Variants in DPP6 observed in about 807,000 individuals in gnomAD.
The protein encoded by DPP6 is dipeptidyl peptidase like 6.
Under a neutral mutation model 122.6 loss-of-function variants are expected in DPP6, and 69 were observed. The observed-to-expected ratio is 0.56, with a 90% CI of 0.46 to 0.69. DPP6 has a LOEUF of 0.69. DPP6 is among the 30% of genes least tolerant of loss of function. The probability of loss-of-function intolerance (pLI) is 0.00; values close to 1 mark genes in which losing one functional copy is unlikely to be tolerated. For missense variants in DPP6, 928 were observed against 1,116.9 expected (o/e 0.83, Z 2.41); for synonymous variants, 418 against 433.1 (o/e 0.97, Z 0.43).
chr7:153,929,491 A>G lies in DPP6; in HGVS notation c.51+41757A>G, dbSNP rs61382377. 6.6e-3 allele frequency among the ~76,000 whole-genome samples: 1,005 copies of G among 152,230 alleles called. 11 individuals carry two copies. The highest frequency in any genetic ancestry group is 0.023 in the African/African-American group (950 of 41,536). On this transcript the variant is annotated intron_variant, in intron 1 of 25. Transcript: ENST00000404039. Reference sequence around the variant, plus strand: ...TTAAGAGCAGGCTAGAAGTTGGGCTATCTTCTTAGGAGTCATCAGCAACTA... The same window carrying G: ...TTAAGAGCAGGCTAGAAGTTGGGCTGTCTTCTTAGGAGTCATCAGCAACTA...
intron 5 of DPP6, among the ~76,000 whole-genome samples, chr7:154,608,321 A>ATATATATATATATATATATATATATG (rs1833691787): frequency 1.2e-5 from 1 of 83,452 alleles, no homozygotes; most frequent in South Asian, 5.2e-4. Context: ...AGGAGTGATC[A>ATATATATATATATATATATATATATG]TATATATATA....
intron 1 of DPP6, among the ~76,000 whole-genome samples, chr7:154,244,662 T>C (rs1015748580): frequency 7.9e-5 from 12 of 152,226 alleles, no homozygotes; most frequent in African/African-American, 2.9e-4. Flanking sequence ...AGGATGCACA[T>C]TGTAATCCCT....
chr7:153,773,107 G>A, the DPP6 span, among the ~76,000 whole-genome samples: 6 of 147,894 alleles, frequency 4.1e-5, no homozygotes, highest in African/African-American at 1.2e-4. Flanking sequence ...AATGATAAAC[G>A]AGGAATTTCT....
chr7:154,254,863 G>T (rs1276776486), intron 1 of DPP6, among the ~76,000 whole-genome samples: 1 of 152,138 alleles, frequency 6.6e-6, no homozygotes, highest in Non-Finnish European at 1.5e-5. Flanking sequence ...TCAAAGGTAG[G>T]ACAATGAGCA....
intron 1 of DPP6, among the ~76,000 whole-genome samples, chr7:154,343,511 T>A (rs955885821): frequency 2.0e-4 from 30 of 152,262 alleles, no homozygotes; most frequent in Non-Finnish European, 4.4e-5. Flanking sequence ...TTGTCTCACG[T>A]ATCAGTGGAC....
At chr7:154,806,097 T>A (rs1652348162) in intron 15 of DPP6, among the ~76,000 whole-genome samples, 1 of 152,068 alleles carries the variant, frequency 6.6e-6, no homozygotes, top group Non-Finnish European at 1.5e-5. Context: ...AGATGTTCCA[T>A]CGTCACCATG....
intron 2 of DPP6, among the ~76,000 whole-genome samples, chr7:154,466,549 T>A (rs1035276709): frequency 6.6e-6 from 1 of 152,140 alleles, no homozygotes; most frequent in Non-Finnish European, 1.5e-5. Context: ...AAAATAGAGC[T>A]CTTGTTTCTC....
rs149032669 is a variant in DPP6 at position 154,595,353 on chromosome 7, C to T, written c.627+28437C>T. The stretch of plus-strand genomic sequence containing the variant: ...ACTCAACGCCAGGGAAATGCATGCC[C>T]GTGTTCCTGCCTTGCTGCCTTCTAC... On this transcript the variant is annotated intron_variant, in intron 5 of 25. Coordinates refer to ENST00000377770, the MANE Select transcript of DPP6 (RefSeq NM_130797.4). Among the ~76,000 whole-genome samples, 80 of 152,212 alleles carry T rather than the reference C, an allele frequency of 5.3e-4. 1 individual carries two copies. Among genetic ancestry groups the T allele is most frequent in the South Asian group, 1.7e-3 (8 of 4,826 alleles).
At chr7:154,276,564 T>C (rs1585806823) in intron 1 of DPP6, among the ~76,000 whole-genome samples, 1 of 152,238 alleles carries the variant, frequency 6.6e-6, no homozygotes, top group East Asian at 1.9e-4. Context: ...AAGAGTGTTA[T>C]TCTGACCTCT....
chr7:154,536,949 A>G (rs1182642264), intron 3 of DPP6, among the ~76,000 whole-genome samples: 1 of 152,172 alleles, frequency 6.6e-6, no homozygotes, highest in African/African-American at 2.4e-5. Context: ...TTAAGGCTTT[A>G]TTTTTTAAAG....
chr7:154,660,129 C>T (rs1042431306), intron 6 of DPP6, among the ~76,000 whole-genome samples: 1 of 152,230 alleles, frequency 6.6e-6, no homozygotes, highest in Non-Finnish European at 1.5e-5. Context: ...TCCTTGAGCA[C>T]AGGTGAGCCA....
At chr7:154,471,706 C>A (rs929195711) in intron 2 of DPP6, among the ~76,000 whole-genome samples, 8 of 152,026 alleles carry the variant, frequency 5.3e-5, no homozygotes, top group African/African-American at 1.9e-4. Flanking sequence ...CAGAAAACAT[C>A]CCCCCATAAA....
chr7:154,822,239 A>G (rs1184366235), intron 16 of DPP6, among the ~76,000 whole-genome samples: 1 of 152,180 alleles, frequency 6.6e-6, no homozygotes, highest in African/African-American at 2.4e-5. Flanking sequence ...AGCTGTAACA[A>G]AATACCATAA....
rs188096927 is a variant in DPP6, at chr7:154,067,617, T to A, written c.243+14554T>A. Among the ~76,000 whole-genome samples, 10 of 152,252 alleles carry A rather than the reference T, an allele frequency of 6.6e-5. No homozygotes were observed. In the East Asian group the frequency reaches 1.9e-3, roughly 29 times the overall value. On this transcript the variant is annotated intron_variant, in intron 1 of 25. Coordinates refer to ENST00000377770, the MANE Select transcript of DPP6 (RefSeq NM_130797.4). ...GGGCTCAGGCCTCAGATGACTTTTTTTAAGGTCATGGGGAGTCATTTGAAA... is the reference window on the plus strand; with the variant it reads ...GGGCTCAGGCCTCAGATGACTTTTTATAAGGTCATGGGGAGTCATTTGAAA...
chr7:154,590,349 A>T (rs1196744132), intron 5 of DPP6, among the ~76,000 whole-genome samples: 1 of 151,460 alleles, frequency 6.6e-6, no homozygotes, highest in Non-Finnish European at 1.5e-5. Flanking sequence ...TCTGAAACTT[A>T]TTTTTTTATG....
chr7:154,300,319 C>G (rs551234512), intron 1 of DPP6, among the ~76,000 whole-genome samples: 1 of 152,300 alleles, frequency 6.6e-6, no homozygotes, highest in African/African-American at 2.4e-5. Flanking sequence ...CACGAGAGTA[C>G]TTAGCTGCAA....
At chr7:153,758,349 T>G in the DPP6 span, among the ~76,000 whole-genome samples, 2 of 152,262 alleles carry the variant, frequency 1.3e-5, no homozygotes, top group Non-Finnish European at 2.9e-5. Context: ...ATACCATGTT[T>G]AATAAGTACA....
intron 3 of DPP6, among the ~76,000 whole-genome samples, chr7:154,528,546 C>G (rs544960828): frequency 8.5e-5 from 13 of 152,248 alleles, no homozygotes; most frequent in South Asian, 2.1e-4. Flanking sequence ...TATTAATTGG[C>G]TCAATTCCTC....
chr7:154,380,135 T>TA (rs930737902), intron 1 of DPP6, among the ~76,000 whole-genome samples: 3 of 152,220 alleles, frequency 2.0e-5, no homozygotes, highest in South Asian at 2.1e-4. Context: ...TTTCATTGAT[T>TA]AAAAAAATAG....
Sources: allele counts gnomAD v4.1 joint callset (sites outside exome capture counted in the v4.1 genomes callset), GRCh38; gene constraint gnomAD v4.1.1; transcripts MANE v1.5; gene names NCBI Gene and HGNC (gene_info 2026-07-23, HGNC 2026-07-21).